CDH18: variants seen among roughly 807,000 people sequenced by gnomAD.
The protein encoded by CDH18 is cadherin 18, also known as cadherin-18.
In CDH18, 31 loss-of-function variants were observed where a neutral mutation model predicts 67.9. The ratio of observed to expected loss-of-function variants is 0.46; its 90% CI spans 0.34 to 0.62. The LOEUF (loss-of-function observed/expected upper bound fraction) is 0.62, where lower values mean the gene tolerates loss of function less well. CDH18 is among the 20% of genes least tolerant of loss of function. CDH18 has a pLI of 0.01. For synonymous variants in CDH18, 362 were observed against 347.2 expected, an observed-to-expected ratio of 1.04 and a Z score of -0.48; for missense variants, 890 against 975.5, an observed-to-expected ratio of 0.91 and a Z score of 1.17.
chr5:19,993,129 G>C (rs531435202), upstream of CDH18, among the ~76,000 whole-genome samples: 91 of 152,142 alleles, frequency 6.0e-4, 2 homozygotes, highest in Admixed American at 4.8e-3. Flanking sequence ...ATTTCATAAA[G>C]GATCTTGAAA....
intron 5 of CDH18, among the ~76,000 whole-genome samples, chr5:19,689,511 C>A (rs1012939323): frequency 6.6e-6 from 1 of 151,892 alleles, no homozygotes; most frequent in African/African-American, 2.4e-5. Context: ...ATTAGATCAT[C>A]CCTACAAGAA....
chr5:20,477,355 G>C (rs2150249093), intron 1 of CDH18, among the ~76,000 whole-genome samples: 1 of 152,278 alleles, frequency 6.6e-6, no homozygotes, highest in South Asian at 2.1e-4. Context: ...ACAGTACCTG[G>C]TTTTAACATC....
At chr5:20,359,176 C>A (rs1217300505) in intron 1 of CDH18, among the ~76,000 whole-genome samples, 1 of 151,944 alleles carries the variant, frequency 6.6e-6, no homozygotes, top group African/African-American at 2.4e-5. Context: ...GGTGATCCAC[C>A]CACCTCGGCC....
chr5:19,656,152 G>C (rs967101194), intron 5 of CDH18, among the ~76,000 whole-genome samples: 1 of 151,766 alleles, frequency 6.6e-6, no homozygotes, highest in Non-Finnish European at 1.5e-5. Context: ...ATTTACTTCT[G>C]AGTAACTTAT....
intron 2 of CDH18, among the ~76,000 whole-genome samples, chr5:20,157,679 G>C (rs1019346062): frequency 6.2e-5 from 9 of 144,298 alleles, no homozygotes; most frequent in African/African-American, 2.3e-4. Flanking sequence ...ATCTTGCTCT[G>C]TCACCCAGGC....
At chr5:20,155,151 T>C (rs1580362013) in intron 2 of CDH18, among the ~76,000 whole-genome samples, 3 of 152,254 alleles carry the variant, frequency 2.0e-5, no homozygotes, top group South Asian at 2.1e-4. Context: ...GCCTCAGATG[T>C]TCATGTGAGT....
intron 1 of CDH18, among the ~76,000 whole-genome samples, chr5:20,426,553 T>C (rs1159706141): frequency 6.6e-6 from 1 of 151,128 alleles, no homozygotes; most frequent in Non-Finnish European, 1.5e-5. Context: ...TTATCAGATA[T>C]TAATCACACA....
intron 1 of CDH18, among the ~76,000 whole-genome samples, chr5:20,385,130 C>T (rs1562021110): frequency 6.6e-6 from 1 of 152,142 alleles, no homozygotes; most frequent in Admixed American, 6.6e-5. Flanking sequence ...AGCCACCACA[C>T]CTGGCCTTGT....
intron 5 of CDH18, among the ~76,000 whole-genome samples, chr5:19,617,914 T>C (rs1053404122): frequency 1.3e-5 from 2 of 152,196 alleles, no homozygotes; most frequent in Non-Finnish European, 2.9e-5. Context: ...GCCTACCATA[T>C]GTTTATGCCT....
intron 2 of CDH18, among the ~76,000 whole-genome samples, chr5:19,923,943 T>A (rs911959164): frequency 2.0e-5 from 3 of 152,154 alleles, no homozygotes; most frequent in African/African-American, 7.2e-5. Context: ...CCCGGTGAGA[T>A]GTGGCAATCA....
At chr5:19,985,747 AAAAG>A (rs1429633718) in intron 1 of CDH18, among the ~76,000 whole-genome samples, 1 of 152,172 alleles carries the variant, frequency 6.6e-6, no homozygotes, top group African/African-American at 2.4e-5. Context: ...AATTAAAAAA[AAAAG>A]AAAGACAAAG....
rs769644925 is a variant in CDH18 at position 19,834,176 on chromosome 5, G to A, written c.228+4583C>T. Among the ~76,000 whole-genome samples, 4 of 150,594 alleles carry A rather than the reference G, an allele frequency of 2.7e-5. No individual in the cohort carries two copies. The Middle Eastern group carries it at 0.01, about 387-fold the overall frequency. On this transcript the variant is annotated intron_variant, in intron 3 of 12. Transcript: ENST00000382275. Reference sequence around the variant, plus strand: ...GATTTTTTTTTTTTTTTATTGGTAGGCTATTAGTTACTGACTCAATTTCAG... The same window carrying A: ...GATTTTTTTTTTTTTTTATTGGTAGACTATTAGTTACTGACTCAATTTCAG...
intron 5 of CDH18, among the ~76,000 whole-genome samples, chr5:19,673,514 TA>T (rs571959201): frequency 2.0e-5 from 3 of 152,138 alleles, no homozygotes; most frequent in Admixed American, 2.0e-4. Context: ...TAAACTAACG[TA>T]AAGCATAAAT....
intron 2 of CDH18, among the ~76,000 whole-genome samples, chr5:20,139,169 A>G (rs1750011321): frequency 1.3e-5 from 2 of 152,170 alleles, no homozygotes; most frequent in Non-Finnish European, 2.9e-5. Flanking sequence ...CCACACATCT[A>G]CAACCATCTG....
intron 2 of CDH18, among the ~76,000 whole-genome samples, chr5:19,935,364 T>C (rs563870319): frequency 2.0e-5 from 3 of 151,462 alleles, no homozygotes; most frequent in African/African-American, 7.2e-5. Flanking sequence ...GAGGTTTCGG[T>C]CACCAACAGA....
chr5:19,643,820 A>C (rs1382655701), intron 5 of CDH18, among the ~76,000 whole-genome samples: 1 of 152,178 alleles, frequency 6.6e-6, no homozygotes, highest in African/African-American at 2.4e-5. Flanking sequence ...AAGATGATAG[A>C]TCTTCAGTGT....
intron 5 of CDH18, among the ~76,000 whole-genome samples, chr5:19,658,402 G>C (rs1255358033): frequency 6.6e-6 from 1 of 152,018 alleles, no homozygotes; most frequent in African/African-American, 2.4e-5. Flanking sequence ...TGTGCCTCTA[G>C]ACAAGTTTTC....
intron 1 of CDH18, among the ~76,000 whole-genome samples, chr5:20,570,755 T>C (rs1758769914): frequency 6.6e-6 from 1 of 152,132 alleles, no homozygotes; most frequent in South Asian, 2.1e-4. Flanking sequence ...ATGCAACAGA[T>C]GGACCCATCT....
intron 3 of CDH18, among the ~76,000 whole-genome samples, chr5:19,805,504 A>G (rs1777948278): frequency 6.6e-6 from 1 of 152,086 alleles, no homozygotes; most frequent in Admixed American, 6.6e-5. Flanking sequence ...TTCAATTACC[A>G]TCTAAACTCC....
Sources: gnomAD v4.1 joint callset for allele counts (sites outside exome capture counted in the v4.1 genomes callset) on GRCh38, gnomAD v4.1.1 for gene constraint, MANE v1.5 for transcripts, NCBI Gene and HGNC (gene_info 2026-07-23, HGNC 2026-07-21) for gene names.